The following ERRFI1 variants were observed in gnomAD, a reference collection of about 807,000 sequenced individuals.
ERRFI1 encodes ERBB receptor feedback inhibitor 1.
In ERRFI1, 12 loss-of-function variants were observed where a neutral mutation model predicts 14.6. That is an observed-to-expected ratio of 0.82 (90% CI 0.53 to 1.33). ERRFI1 has a LOEUF of 1.33. Ranked by LOEUF, ERRFI1 falls within the 40% of genes most tolerant of loss-of-function variation. The probability of loss-of-function intolerance (pLI) is 0.00; values close to 1 mark genes in which losing one functional copy is unlikely to be tolerated. For synonymous variants in ERRFI1, 202 were observed against 209.9 expected, an observed-to-expected ratio of 0.96 and a Z score of 0.32; for missense variants, 482 against 572.1, an observed-to-expected ratio of 0.84 and a Z score of 1.61.
chr1:8,015,363 C>T lies in ERRFI1; in HGVS notation c.147G>A (p.Pro49=), dbSNP rs762159468. ...EFKNNFLNID[P]ITMAYSLNSS... is the part of the protein sequence containing the mutation. ...AGTTCAGACTGTAGGCCATGGTTAT[C>T]GGGTCAATATTTAAAAAGTTGCTGA... is the stretch of plus-strand genomic sequence containing the variant. Residue 49 remains proline (P), a synonymous_variant, in exon 3 of 4, where the codon CCG becomes CCA. Coordinates refer to ENST00000377482, the MANE Select transcript of ERRFI1 (RefSeq NM_018948.4). 3 of 1,614,112 alleles carry T rather than the reference C, an allele frequency of 1.9e-6. No individual in the cohort carries two copies. The highest frequency in any genetic ancestry group is 1.1e-5 in the South Asian group (1 of 91,078).
In ERRFI1 at chr1:8,013,561, C is replaced by G. The variant is rs2124056461; in HGVS notation, c.1038G>C (p.Met346Ile). 2.5e-6 allele frequency: 4 copies of G among 1,614,090 alleles called. No homozygotes were observed. The highest frequency in any genetic ancestry group is 3.4e-6 in the Non-Finnish European group (4 of 1,180,034). The change falls in exon 4 of 4, where the codon ATG (methionine) becomes ATC (isoleucine). Residue 346 changes from methionine (M) to isoleucine (I), a missense_variant. Transcript: ENST00000377482. This position sits in a 1 kb window ranked among gnomAD's most constrained non-coding sequence, Gnocchi z 4.3. ...CAGGGGCAAAGCTCTGTGTCGGGGG[C>G]ATGACCCCATTGAGGTAAGACGGAA... is the stretch of plus-strand genomic sequence containing the variant. Reference protein sequence around the residue: ...KSLPSYLNGVMPPTQSFAPDP... With the variant: ...KSLPSYLNGVIPPTQSFAPDP...
At chr1:8,018,042 C>T (rs1445196317) in intron 1 of ERRFI1, among the ~76,000 whole-genome samples, 1 of 152,074 alleles carries the variant, frequency 6.6e-6, no homozygotes, top group East Asian at 1.9e-4. Context: ...TAAGCCAGCT[C>T]ACTTCTGACC....
chr1:8,025,887 G>A (rs1348496785), intron 1 of ERRFI1, among the ~76,000 whole-genome samples: 1 of 151,776 alleles, frequency 6.6e-6, no homozygotes, highest in Non-Finnish European at 1.5e-5. Context: ...AAGGCGGCGG[G>A]CGCCGGCACT....
chr1:8,025,512 C>T (rs1641332246), intron 1 of ERRFI1, among the ~76,000 whole-genome samples: 1 of 152,194 alleles, frequency 6.6e-6, no homozygotes, highest in South Asian at 2.1e-4. Flanking sequence ...ACCATCGTCG[C>T]TGTGAGATTA....
At chr1:8,015,126 TC>T in intron 3 of ERRFI1, 181 bp downstream of exon 3, 1 of 592,584 alleles carries the variant, frequency 1.7e-6, no homozygotes, top group Non-Finnish European at 3.0e-6. Flanking sequence ...ATGAAGGCAG[TC>T]GAGTACAATA....
rs551082183 is a variant in ERRFI1, at chr1:8,025,154, A to G, written c.-74+1004T>C. 3.3e-5 allele frequency among the ~76,000 whole-genome samples: 5 copies of G among 152,300 alleles called. No individual in the cohort carries two copies. The South Asian group carries it at 1.0e-3, about 32-fold the overall frequency. On this transcript the variant is annotated intron_variant, in intron 1 of 3. Transcript: ENST00000377482. ...TCACCGACACATCTCTTTTAAAGCT[A>G]CAGTCTCCATTCTGACTTAAGTTTA...
intron 1 of ERRFI1, among the ~76,000 whole-genome samples, chr1:8,025,378 A>G (rs1641329584): frequency 6.6e-6 from 1 of 152,212 alleles, no homozygotes; most frequent in Non-Finnish European, 1.5e-5. Flanking sequence ...TGAACACATA[A>G]TTTTGCAGTC....
chr1:8,017,678 G>A (rs1641196820), intron 1 of ERRFI1, among the ~76,000 whole-genome samples: 2 of 152,126 alleles, frequency 1.3e-5, no homozygotes, highest in Admixed American at 6.5e-5. Flanking sequence ...GGAAGAATAT[G>A]GTATTTAAGT....
rs1047774357 is a variant in ERRFI1 at position 8,026,281 on chromosome 1, A to T, written c.-197T>A. The T allele has an allele frequency of 6.5e-6, 1 of 152,890 alleles. No homozygotes were observed. Among genetic ancestry groups the T allele is most frequent in the Admixed American group, 6.5e-5 (1 of 15,272 alleles). 9.5% of individuals were successfully genotyped at this position (152,890 alleles called of 1,614,324 possible). A position where few individuals can be genotyped will look rare whatever the true frequency, so the allele number is the denominator to read the frequency against. ...CCTCTTGCTGGCTCGCGCTCCCGCT[A>T]GCACTCTGCCTCGCACCGGACCGCC... On this transcript the variant is annotated 5_prime_UTR_variant, in exon 1 of 4. Transcript: ENST00000377482.
chr1:8,014,616 C>G, intron 3 of ERRFI1: 1 of 548,662 alleles, frequency 1.8e-6, no homozygotes, highest in Non-Finnish European at 3.2e-6. Context: ...ACTATCTCCT[C>G]TATCTCCCTT....
At chr1:8,023,429 C>T (rs1273107059) in intron 1 of ERRFI1, among the ~76,000 whole-genome samples, 1 of 152,164 alleles carries the variant, frequency 6.6e-6, no homozygotes, top group Non-Finnish European at 1.5e-5. Context: ...AGACGTGTGC[C>T]ACCATACCCA....
At position 8,023,801 on chromosome 1, in the gene ERRFI1, A is replaced by T. The variant is rs376774764; in HGVS notation, c.-74+2357T>A. Among the ~76,000 whole-genome samples the T allele has an allele frequency of 1.7e-4, 26 of 152,070 alleles. 1 individual carries two copies. The highest frequency in any genetic ancestry group is 7.9e-4 in the Admixed American group (12 of 15,266). On this transcript the variant is annotated intron_variant, in intron 1 of 3. Coordinates refer to ENST00000377482, the MANE Select transcript of ERRFI1 (RefSeq NM_018948.4). The stretch of plus-strand genomic sequence containing the variant: ...AGTAACTTACATTTAGGACCCTCAA[A>T]CTCATTCGCCTCATCTACCTTTACA...
intron 1 of ERRFI1, among the ~76,000 whole-genome samples, chr1:8,023,184 AT>A (rs1244077358): frequency 1.3e-5 from 2 of 152,236 alleles, no homozygotes; most frequent in African/African-American, 4.8e-5. Flanking sequence ...GGGGTATTGA[AT>A]AAGAGCTTTT....
chr1:8,015,350 A>C lies in ERRFI1; in HGVS notation c.160T>G (p.Tyr54Asp), dbSNP rs1484205565. 1.9e-6 allele frequency: 3 copies of C among 1,614,074 alleles called. No individual in the cohort carries two copies. Among genetic ancestry groups the C allele is most frequent in the Non-Finnish European group, 2.5e-6 (3 of 1,179,992 alleles). Residue 54 changes from tyrosine to aspartate, a missense_variant, in exon 3 of 4, where the codon TAC becomes GAC. Tyr to Asp is a radical substitution (Grantham distance 160). Coordinates refer to ENST00000377482, the MANE Select transcript of ERRFI1 (RefSeq NM_018948.4). ...FLNIDPITMA[Y>D]SLNSSAQERL... is the part of the protein sequence containing the mutation. ...TCCTGAGCAGAAGAGTTCAGACTGT[A>C]GGCCATGGTTATCGGGTCAATATTT... is the stretch of plus-strand genomic sequence containing the variant.
intron 1 of ERRFI1, among the ~76,000 whole-genome samples, chr1:8,019,376 A>G (rs1378711162): frequency 6.6e-6 from 1 of 152,162 alleles, no homozygotes; most frequent in Non-Finnish European, 1.5e-5. Flanking sequence ...CTTTAAGGTC[A>G]GCTCTACCCT....
chr1:8,013,089 G>A lies in ERRFI1; in HGVS notation c.*121C>T. Reference sequence around the variant, plus strand: ...AACTGCTCTAAACCTTCCACATGAAGACAGAGAGTTCAACTATTTTATTTT... The same window carrying A: ...AACTGCTCTAAACCTTCCACATGAAAACAGAGAGTTCAACTATTTTATTTT... On this transcript the variant is annotated 3_prime_UTR_variant, in exon 4 of 4. Coordinates refer to ENST00000377482, the MANE Select transcript of ERRFI1 (RefSeq NM_018948.4). This position sits in a 1 kb window ranked among gnomAD's most constrained non-coding sequence, Gnocchi z 4.3. 1.2e-6 allele frequency: 1 copy of A among 854,676 alleles called. No homozygotes were observed. The highest frequency in any genetic ancestry group is 2.6e-5 in the East Asian group (1 of 37,992). The allele number at this position is 854,676 out of a possible 1,614,324, so 52.9% of individuals were successfully genotyped here. A position where few individuals can be genotyped will look rare whatever the true frequency, so the allele number is the denominator to read the frequency against.
At chr1:8,025,192 TA>T (rs772727389) in intron 1 of ERRFI1, among the ~76,000 whole-genome samples, 5 of 152,202 alleles carry the variant, frequency 3.3e-5, no homozygotes, top group Non-Finnish European at 5.9e-5. Context: ...ACTAACCATC[TA>T]TTCATATTTT....
rs754301065 is a variant in ERRFI1 at position 8,015,518 on chromosome 1, C to T, written c.102G>A (p.Trp34Ter). 25 of 1,614,050 alleles carry T rather than the reference C, an allele frequency of 1.5e-5. No individual in the cohort carries two copies. The highest frequency in any genetic ancestry group is 2.0e-5 in the Non-Finnish European group (24 of 1,180,010). ...RAMGNMRKTY[W>*]SSRSEFKNNF... Reference sequence around the variant, plus strand: ...ACTTTTTAAACTCACTGCGACTGCTCCAGTAGGTCTTCCTCATATTCCCCA... The same window carrying T: ...ACTTTTTAAACTCACTGCGACTGCTTCAGTAGGTCTTCCTCATATTCCCCA... Residue 34 changes from tryptophan (W) to a stop codon, truncating the protein, a stop_gained, in exon 2 of 4, where the codon TGG becomes TGA. Transcript: ENST00000377482. LOFTEE classifies it high-confidence loss of function.
In ERRFI1 at chr1:8,011,927, A is replaced by G. The variant is rs1641090045; in HGVS notation, c.*1283T>C. On this transcript the variant is annotated 3_prime_UTR_variant, in exon 4 of 4. Transcript: ENST00000377482. ...AGCTCAAATAATATTCAGCAGTTTA[A>G]ACTGTAAACAGCTTGTTTAACTGTT... 1 of 227,380 alleles carries G rather than the reference A, an allele frequency of 4.4e-6. No individual in the cohort carries two copies. Among genetic ancestry groups the G allele is most frequent in the African/African-American group, 2.2e-5 (1 of 45,014 alleles). 14.1% of individuals were successfully genotyped at this position (227,380 alleles called of 1,614,324 possible).
Sources: gnomAD v4.1 joint callset for allele counts (sites outside exome capture counted in the v4.1 genomes callset) on GRCh38, gnomAD v4.1.1 for gene constraint, Gnocchi (gnomAD v3.1) non-coding constraint, MANE v1.5 for transcripts, NCBI Gene and HGNC (gene_info 2026-07-23, HGNC 2026-07-21) for gene names.